Variants in ITGAE observed in about 807,000 individuals in gnomAD.
ITGAE encodes integrin subunit alpha E, also known as integrin alpha-E.
A neutral mutation model predicts 136.5 loss-of-function variants in ITGAE; 99 were observed. The observed-to-expected ratio is 0.73, with a 90% CI of 0.62 to 0.86. ITGAE has a LOEUF of 0.86. Among genes scored for constraint, ITGAE ranks in the 40% least tolerant of loss-of-function variants. The pLI is 0.00. For synonymous variants in ITGAE, 613 were observed against 591.8 expected, an observed-to-expected ratio of 1.04 and a Z score of -0.52; for missense variants, 1,447 against 1,515.3, an observed-to-expected ratio of 0.95 and a Z score of 0.75.
intron 17 of ITGAE, among the ~76,000 whole-genome samples, chr17:3,746,386 A>G (rs1226747374): frequency 1.3e-5 from 2 of 152,092 alleles, no homozygotes; most frequent in Non-Finnish European, 2.9e-5. Flanking sequence ...ACACTTGCCC[A>G]GCATCGCACA....
chr17:3,750,088 T>TA (rs1332031164), intron 16 of ITGAE, among the ~76,000 whole-genome samples: 1 of 152,210 alleles, frequency 6.6e-6, no homozygotes, highest in Admixed American at 6.5e-5. Context: ...ACTTTGTATA[T>TA]ATTCGCTTGC....
chr17:3,758,640 C>T (rs1046563286), intron 8 of ITGAE, among the ~76,000 whole-genome samples: 15 of 151,862 alleles, frequency 9.9e-5, no homozygotes, highest in East Asian at 7.8e-4. Context: ...TGAGTAGAGA[C>T]GGGGTTTCAC....
chr17:3,755,189 G>C lies in ITGAE; in HGVS notation c.1312C>G (p.Arg438Gly), dbSNP rs1239205126. The C allele has an allele frequency of 6.4e-7, 1 of 1,571,944 alleles. No individual in the cohort carries two copies. The highest frequency in any genetic ancestry group is 8.6e-7 in the Non-Finnish European group (1 of 1,163,936). The change falls in exon 12 of 31, where the codon CGC becomes GGC. Residue 438 changes from arginine (R) to glycine (G), a missense_variant. This residue lies in a region of ITGAE where 1,031 missense variants were observed against 1,011.4 expected (regional missense o/e 1.02). Coordinates refer to ENST00000263087, the MANE Select transcript of ITGAE (RefSeq NM_002208.5). ...GTCTGGTTCAGGAAGCGGCCCCGGCGGCTGCGTGTGTCGTAGAGCAACGCC... is the reference window on the plus strand; with the variant it reads ...GTCTGGTTCAGGAAGCGGCCCCGGCCGCTGCGTGTGTCGTAGAGCAACGCC... Reference protein sequence around the residue: ...GGALLYDTRSRRGRFLNQTAA... With the variant: ...GGALLYDTRSGRGRFLNQTAA...
At chr17:3,739,923 C>T in intron 19 of ITGAE, 45 bp from the exon 20 acceptor site, 1 of 1,497,432 alleles carries the variant, frequency 6.7e-7, no homozygotes, top group South Asian at 1.1e-5. Flanking sequence ...CTCCGCCTTC[C>T]CCAGCAGCCC....
At chr17:3,718,865 C>CA (rs757806678) in intron 29 of ITGAE, among the ~76,000 whole-genome samples, 1 of 152,152 alleles carries the variant, frequency 6.6e-6, no homozygotes, top group East Asian at 1.9e-4. Context: ...AAAATCTGGG[C>CA]AGTGCAATAA....
At chr17:3,727,825 C>T in intron 26 of ITGAE, 94 bp downstream of exon 26, 2 of 833,992 alleles carry the variant, frequency 2.4e-6, no homozygotes, top group Non-Finnish European at 4.1e-6. Flanking sequence ...GTTAACTTGT[C>T]TTCACTCTGT....
chr17:3,720,456 C>T, intron 28 of ITGAE, 54 bp from the exon 29 acceptor site: 1 of 843,776 alleles, frequency 1.2e-6, no homozygotes, highest in Non-Finnish European at 2.0e-6. Flanking sequence ...GACATGAACT[C>T]ACTGTGTTTG....
At chr17:3,793,768 C>T (rs1456375899) in intron 1 of ITGAE, among the ~76,000 whole-genome samples, 3 of 152,008 alleles carry the variant, frequency 2.0e-5, no homozygotes, top group Non-Finnish European at 4.4e-5. Context: ...GGGATGGTCT[C>T]GAACTCCTGG....
At position 3,798,273 on chromosome 17, in the gene ITGAE, G is replaced by A. The variant is rs1299294937; in HGVS notation, c.34+2838C>T. On this transcript the variant is annotated intron_variant, in intron 1 of 30. Coordinates refer to ENST00000263087, the MANE Select transcript of ITGAE (RefSeq NM_002208.5). The surrounding 1 kb of genome is among the most constrained non-coding windows in gnomAD (Gnocchi z 4.3). ...GGGGAGGCTACTGTGTGCACAACCT[G>A]CCTTCTCTTCACACAGGGGCTGGGA... 1.3e-5 allele frequency among the ~76,000 whole-genome samples: 2 copies of A among 152,150 alleles called. No homozygotes were observed. The highest frequency in any genetic ancestry group is 3.9e-4 in the East Asian group (2 of 5,192).
intron 28 of ITGAE, chr17:3,721,508 C>A (rs1341165296): frequency 6.6e-6 from 1 of 151,590 alleles, no homozygotes; most frequent in African/African-American, 2.4e-5. Context: ...GAACTCCTGG[C>A]CTCAAGCAAT....
At chr17:3,790,081 CT>C (rs1298688266) in intron 1 of ITGAE, among the ~76,000 whole-genome samples, 1 of 152,132 alleles carries the variant, frequency 6.6e-6, no homozygotes, top group Non-Finnish European at 1.5e-5. Context: ...GCATGTCCTT[CT>C]TGGTGTGACA....
chr17:3,797,211 G>C (rs1190103518), intron 1 of ITGAE, among the ~76,000 whole-genome samples: 2 of 141,848 alleles, frequency 1.4e-5, no homozygotes, highest in African/African-American at 5.2e-5. Context: ...TGTCGCCCAG[G>C]CTGGAGTGCA....
chr17:3,769,116 T>A (rs1029165271), intron 2 of ITGAE, among the ~76,000 whole-genome samples: 3 of 152,030 alleles, frequency 2.0e-5, no homozygotes, highest in Admixed American at 2.0e-4. Context: ...GGGTCAAAAC[T>A]GGGCTCCACC....
chr17:3,750,239 A>C, intron 16 of ITGAE, 113 bp downstream of exon 16: 3 of 1,451,542 alleles, frequency 2.1e-6, no homozygotes, highest in Non-Finnish European at 2.8e-6. Context: ...CTGTGCCCAC[A>C]ACCACGGTGC....
rs145217489 is a variant in ITGAE at position 3,726,658 on chromosome 17, G to A, written c.3084+1261C>T. On this transcript the variant is annotated intron_variant, in intron 26 of 30. Transcript: ENST00000263087. ...GCCTGGTCAACATAGCAAGACCCCT[G>A]TCTCTATTTTTTTAAATAAATAAAC... 3.0e-4 allele frequency: 71 copies of A among 236,866 alleles called. No homozygotes were observed. In the East Asian group the frequency reaches 4.5e-3, roughly 15 times the overall value. The allele number at this position is 236,866 out of a possible 1,614,324, so 14.7% of individuals were successfully genotyped here. A position where few individuals can be genotyped will look rare whatever the true frequency, so the allele number is the denominator to read the frequency against.
In ITGAE at chr17:3,731,096, GTACT is replaced by G; in HGVS notation, c.2834+4_2834+7del. 1.2e-6 allele frequency: 2 copies of G among 1,610,100 alleles called. No individual in the cohort carries two copies. The highest frequency in any genetic ancestry group is 1.1e-5 in the South Asian group (1 of 91,010). Reference sequence around the variant, plus strand: ...GCCTGACTCTGCTGTGACCCAGGCAGTACTTACTTGGTGACAGTCACAGTGATGT... The same window carrying G: ...GCCTGACTCTGCTGTGACCCAGGCAGTACTTGGTGACAGTCACAGTGATGT... On this transcript the variant is annotated splice_donor_5th_base_variant and intron_variant, in intron 23 of 30. Coordinates refer to ENST00000263087, the MANE Select transcript of ITGAE (RefSeq NM_002208.5).
chr17:3,742,926 ACAGGCAT>A (rs747714410), intron 19 of ITGAE, among the ~76,000 whole-genome samples: 5 of 152,222 alleles, frequency 3.3e-5, no homozygotes, highest in Non-Finnish European at 7.3e-5. Context: ...TGTTGGGATT[ACAGGCAT>A]CAGCCAGGGC....
chr17:3,774,830 T>A (rs1407578165), intron 2 of ITGAE, among the ~76,000 whole-genome samples: 2 of 152,186 alleles, frequency 1.3e-5, no homozygotes, highest in Non-Finnish European at 2.9e-5. Flanking sequence ...GAAATTCAAA[T>A]GAGCCTCGGA....
In ITGAE at chr17:3,723,311, T is replaced by G; in HGVS notation, c.3214A>C (p.Ile1072Leu). The G allele has an allele frequency of 6.2e-7, 1 of 1,612,794 alleles. No homozygotes were observed. The highest frequency in any genetic ancestry group is 8.5e-7 in the Non-Finnish European group (1 of 1,178,814). The change falls in exon 28 of 31, where the codon ATC becomes CTC. Residue 1072 changes from isoleucine (I) to leucine (L), a missense_variant. Ile to Leu is a conservative substitution (Grantham distance 5). This residue lies in a region of ITGAE where 1,031 missense variants were observed against 1,011.4 expected (regional missense o/e 1.02). Coordinates refer to ENST00000263087, the MANE Select transcript of ITGAE (RefSeq NM_002208.5). ...ACCTCCTCAGAGTGATCCCAGGAGA[T>G]CTCTGCAGCCACGGTGACATTTTCT... ...DKENVTVAAE[I>L]SWDHSEELLK...
Sources: gnomAD v4.1 joint callset for allele counts (sites outside exome capture counted in the v4.1 genomes callset) on GRCh38, gnomAD v4.1.1 for gene constraint, gnomAD v4.1.1 regional missense constraint, Gnocchi (gnomAD v3.1) non-coding constraint, MANE v1.5 for transcripts, NCBI Gene and HGNC (gene_info 2026-07-23, HGNC 2026-07-21) for gene names.